The following SGCZ variants were observed in gnomAD, a reference collection of about 807,000 sequenced individuals.
SGCZ encodes sarcoglycan zeta, also known as zeta-sarcoglycan.
A neutral mutation model predicts 41.3 loss-of-function variants in SGCZ; 40 were observed. The ratio of observed to expected loss-of-function variants is 0.97; its 90% CI spans 0.75 to 1.26. The LOEUF (loss-of-function observed/expected upper bound fraction) is 1.26, where lower values mean the gene tolerates loss of function less well. SGCZ is among the 50% of genes most tolerant of loss of function. SGCZ has a pLI of 0.00. For synonymous variants in SGCZ, 206 were observed against 137.5 expected, an observed-to-expected ratio of 1.50 and a Z score of -3.49; for missense variants, 552 against 369.8, an observed-to-expected ratio of 1.49 and a Z score of -4.04.
In SGCZ at chr8:15,212,068, A is replaced by G. The variant is rs190672520; in HGVS notation, c.39+25517T>C. Among the ~76,000 whole-genome samples, 9 of 152,274 alleles carry G rather than the reference A, an allele frequency of 5.9e-5. 1 individual carries two copies. The highest frequency in any genetic ancestry group is 1.2e-4 in the Non-Finnish European group (8 of 68,018). The stretch of plus-strand genomic sequence containing the variant: ...ACTCAGACGTTCGTGAATAGAAAAG[A>G]TGCAAAAATCTTTAAAGTTTCTCCT... On this transcript the variant is annotated intron_variant, in intron 1 of 7. Coordinates refer to ENST00000382080, the MANE Select transcript of SGCZ (RefSeq NM_139167.4).
At chr8:14,955,488 T>A (rs1229564308) in intron 1 of SGCZ, among the ~76,000 whole-genome samples, 1 of 152,194 alleles carries the variant, frequency 6.6e-6, no homozygotes, top group African/African-American at 2.4e-5. Flanking sequence ...AAGTAGGTAA[T>A]ACCAAGCTGT....
rs112360917 is a variant in SGCZ at position 14,367,419 on chromosome 8, GCTCT to G, written c.235-43219_235-43216del. 4.6e-5 allele frequency among the ~76,000 whole-genome samples: 7 copies of G among 152,080 alleles called. 1 individual carries two copies. Among genetic ancestry groups the G allele is most frequent in the African/African-American group, 1.7e-4 (7 of 41,490 alleles). ...TTCCAAGGTCGCTTCCACATTTTGA[GCTCT>G]CTCTATAGCAGCACCCCACTCTCTG... On this transcript the variant is annotated intron_variant, in intron 2 of 7. Coordinates refer to ENST00000382080, the MANE Select transcript of SGCZ (RefSeq NM_139167.4).
intron 1 of SGCZ, among the ~76,000 whole-genome samples, chr8:15,199,836 T>A (rs1054834220): frequency 2.6e-5 from 4 of 152,118 alleles, no homozygotes; most frequent in African/African-American, 7.2e-5. Flanking sequence ...CGGAAAAAAA[T>A]TTCTTGTTGA....
At chr8:14,217,639 T>G (rs1415139241) in intron 4 of SGCZ, among the ~76,000 whole-genome samples, 12 of 130,590 alleles carry the variant, frequency 9.2e-5, no homozygotes, top group Non-Finnish European at 1.4e-4. Context: ...TTTTTTTTTT[T>G]TTTTTTTTTT....
intron 1 of SGCZ, among the ~76,000 whole-genome samples, chr8:14,630,621 C>A (rs946967462): frequency 6.6e-6 from 1 of 151,866 alleles, no homozygotes; most frequent in Non-Finnish European, 1.5e-5. Flanking sequence ...TGGAACCAAC[C>A]CAAATGTCCA....
At chr8:15,159,100 G>T (rs1799421037) in intron 1 of SGCZ, among the ~76,000 whole-genome samples, 1 of 152,042 alleles carries the variant, frequency 6.6e-6, no homozygotes, top group Non-Finnish European at 1.5e-5. Flanking sequence ...GAGGGGAGGG[G>T]GCCTAAGGTC....
intron 1 of SGCZ, among the ~76,000 whole-genome samples, chr8:14,655,242 C>G (rs1192719773): frequency 6.6e-6 from 1 of 151,990 alleles, no homozygotes; most frequent in African/African-American, 2.4e-5. Context: ...CCACTGTCGT[C>G]TTTACCAAAT....
At chr8:14,705,548 T>C (rs184968767) in intron 1 of SGCZ, among the ~76,000 whole-genome samples, 3 of 152,098 alleles carry the variant, frequency 2.0e-5, no homozygotes, top group Admixed American at 6.6e-5. Context: ...AATCTCATCA[T>C]AGTTTTGAAG....
chr8:14,351,336 A>T (rs1161202213), intron 2 of SGCZ, among the ~76,000 whole-genome samples: 1 of 151,916 alleles, frequency 6.6e-6, no homozygotes, highest in Non-Finnish European at 1.5e-5. Flanking sequence ...ATTAATGACA[A>T]TTTTTTGGCC....
chr8:14,286,106 T>C (rs1800617337), intron 3 of SGCZ, among the ~76,000 whole-genome samples: 1 of 151,574 alleles, frequency 6.6e-6, no homozygotes, highest in Non-Finnish European at 1.5e-5. Context: ...AGTCCTCAAA[T>C]TGGCTTCCCA....
chr8:14,798,529 A>G (rs74366260), intron 1 of SGCZ, among the ~76,000 whole-genome samples: 11,955 of 152,262 alleles, frequency 0.079, 468 homozygotes, highest in Middle Eastern at 0.11. Flanking sequence ...TGTTTCTGAA[A>G]GAAAAAAAGC....
chr8:14,724,641 G>C (rs1013990839), intron 1 of SGCZ, among the ~76,000 whole-genome samples: 1 of 151,072 alleles, frequency 6.6e-6, no homozygotes, highest in African/African-American at 2.4e-5. Flanking sequence ...AAGACCAAGC[G>C]TTTCTCTTTC....
At chr8:14,383,636 T>C (rs926152755) in intron 2 of SGCZ, among the ~76,000 whole-genome samples, 1 of 152,228 alleles carries the variant, frequency 6.6e-6, no homozygotes, top group Non-Finnish European at 1.5e-5. Flanking sequence ...ATTTCCACTA[T>C]AATTAAATTT....
intron 2 of SGCZ, among the ~76,000 whole-genome samples, chr8:14,382,153 A>T (rs1368381195): frequency 1.3e-5 from 2 of 151,930 alleles, no homozygotes; most frequent in East Asian, 1.9e-4. Context: ...TGTGGAACAA[A>T]TTTTTTCTGC....
intron 2 of SGCZ, among the ~76,000 whole-genome samples, chr8:14,352,166 A>G (rs574243436): frequency 5.9e-5 from 9 of 152,188 alleles, no homozygotes; most frequent in Non-Finnish European, 1.2e-4. Flanking sequence ...TTGAAGTAAA[A>G]GAGTTACAAA....
At chr8:15,213,391 G>A (rs1228472297) in intron 1 of SGCZ, among the ~76,000 whole-genome samples, 1 of 151,342 alleles carries the variant, frequency 6.6e-6, no homozygotes, top group African/African-American at 2.4e-5. Context: ...TAAACTTACT[G>A]CAGAAAAAAT....
chr8:14,198,130 C>T (rs934522775), intron 4 of SGCZ, among the ~76,000 whole-genome samples: 1 of 152,212 alleles, frequency 6.6e-6, no homozygotes, highest in African/African-American at 2.4e-5. Flanking sequence ...TTTTAAACTG[C>T]ATGCTGTTCT....
At chr8:14,628,210 A>T (rs1388105093) in intron 1 of SGCZ, among the ~76,000 whole-genome samples, 2 of 152,140 alleles carry the variant, frequency 1.3e-5, no homozygotes, top group Non-Finnish European at 2.9e-5. Flanking sequence ...AAATTCCAGC[A>T]AGTCATCTAA....
chr8:14,805,736 G>C (rs1298753727), intron 1 of SGCZ, among the ~76,000 whole-genome samples: 1 of 152,034 alleles, frequency 6.6e-6, no homozygotes, highest in African/African-American at 2.4e-5. Flanking sequence ...GGACGTAATA[G>C]ACATCTACAG....
Sources: allele counts gnomAD v4.1 joint callset (sites outside exome capture counted in the v4.1 genomes callset), GRCh38; gene constraint gnomAD v4.1.1; transcripts MANE v1.5; gene names NCBI Gene and HGNC (gene_info 2026-07-23, HGNC 2026-07-21).